CNTNAP2: variants seen among roughly 807,000 people sequenced by gnomAD.
The protein encoded by CNTNAP2 is contactin-associated protein-like 2.
In CNTNAP2, 98 loss-of-function variants were observed where a neutral mutation model predicts 155.2. That is an observed-to-expected ratio of 0.63 (90% CI 0.54 to 0.75). The LOEUF (loss-of-function observed/expected upper bound fraction) is 0.75, where lower values mean the gene tolerates loss of function less well. Ranked by LOEUF, CNTNAP2 falls within the 30% of genes least tolerant of loss-of-function variation. The probability of loss-of-function intolerance (pLI) is 0.00; values close to 1 mark genes in which losing one functional copy is unlikely to be tolerated. For synonymous variants in CNTNAP2, 651 were observed against 631.2 expected (o/e 1.03, Z -0.47); for missense variants, 1,727 against 1,688.1 (o/e 1.02, Z -0.40).
chr7:146,177,908 G>A (rs1221588969), intron 1 of CNTNAP2, among the ~76,000 whole-genome samples: 1 of 152,128 alleles, frequency 6.6e-6, no homozygotes, highest in Non-Finnish European at 1.5e-5. Context: ...AGAACTAAAA[G>A]AACCATATTG....
chr7:147,218,670 T>C (rs1359144701), intron 8 of CNTNAP2, among the ~76,000 whole-genome samples: 1 of 152,154 alleles, frequency 6.6e-6, no homozygotes. Context: ...ATTGAATATT[T>C]CCTGTGAGCT....
intron 15 of CNTNAP2, among the ~76,000 whole-genome samples, chr7:148,021,429 C>G (rs1802276982): frequency 6.6e-6 from 1 of 152,142 alleles, no homozygotes; most frequent in African/African-American, 2.4e-5. Flanking sequence ...CCCAAGTAGA[C>G]CATAGCCAGT....
At chr7:147,775,115 G>T (rs1183434447) in intron 13 of CNTNAP2, among the ~76,000 whole-genome samples, 1 of 148,424 alleles carries the variant, frequency 6.7e-6, no homozygotes, top group Admixed American at 6.9e-5. Flanking sequence ...TAAGGGTGAT[G>T]GTCTTTTCAC....
At chr7:146,475,625 G>C (rs1796866410) in intron 1 of CNTNAP2, among the ~76,000 whole-genome samples, 1 of 152,164 alleles carries the variant, frequency 6.6e-6, no homozygotes, top group Non-Finnish European at 1.5e-5. Context: ...AGATCTGGGA[G>C]ACCAAGATTG....
chr7:147,264,323 T>C (rs1259507806), intron 8 of CNTNAP2, among the ~76,000 whole-genome samples: 1 of 152,096 alleles, frequency 6.6e-6, no homozygotes, highest in African/African-American at 2.4e-5. Flanking sequence ...TATTTATTTA[T>C]TGTGGGAAGT....
chr7:146,910,393 G>A (rs921415189), intron 3 of CNTNAP2, among the ~76,000 whole-genome samples: 65 of 148,950 alleles, frequency 4.4e-4, no homozygotes, highest in Non-Finnish European at 7.7e-4. Context: ...CACACTACCT[G>A]ACTTCAAAGT....
chr7:146,788,307 C>T (rs371848686), intron 2 of CNTNAP2, among the ~76,000 whole-genome samples: 14 of 152,164 alleles, frequency 9.2e-5, no homozygotes, highest in Admixed American at 4.6e-4. Flanking sequence ...GAGTGGACGC[C>T]GAGGCCGAGG....
At chr7:147,050,791 T>C (rs1343787085) in intron 4 of CNTNAP2, among the ~76,000 whole-genome samples, 3 of 152,132 alleles carry the variant, frequency 2.0e-5, no homozygotes, top group African/African-American at 7.2e-5. Context: ...ATCATGGATC[T>C]AGAGGGCACA....
chr7:146,863,385 T>C (rs569907361), intron 3 of CNTNAP2, among the ~76,000 whole-genome samples: 2 of 152,084 alleles, frequency 1.3e-5, no homozygotes, highest in East Asian at 3.9e-4. Context: ...AGATGAAGAG[T>C]TATCAATAGC....
At chr7:148,020,757 C>T (rs1387181128) in intron 15 of CNTNAP2, among the ~76,000 whole-genome samples, 2 of 152,210 alleles carry the variant, frequency 1.3e-5, no homozygotes, top group East Asian at 1.9e-4. Context: ...ACAATAAACA[C>T]CTTTAATTAT....
chr7:147,031,654 A>G (rs929465514), intron 3 of CNTNAP2, among the ~76,000 whole-genome samples: 2 of 152,264 alleles, frequency 1.3e-5, no homozygotes, highest in African/African-American at 2.4e-5. Context: ...GCAGAGGCCC[A>G]TGCCTGTAAT....
intron 1 of CNTNAP2, among the ~76,000 whole-genome samples, chr7:146,607,318 A>G (rs552850984): frequency 1.6e-4 from 25 of 152,078 alleles, no homozygotes; most frequent in Admixed American, 9.8e-4. Flanking sequence ...CATGTGTCCA[A>G]TGATCACACT....
intron 11 of CNTNAP2, among the ~76,000 whole-genome samples, chr7:147,502,519 G>T (rs558112411): frequency 4.6e-5 from 7 of 152,228 alleles, no homozygotes; most frequent in African/African-American, 1.7e-4. Flanking sequence ...GAGAAATGTT[G>T]ATCAAAAGGT....
At chr7:146,448,768 T>C (rs1402442749) in intron 1 of CNTNAP2, among the ~76,000 whole-genome samples, 1 of 152,100 alleles carries the variant, frequency 6.6e-6, no homozygotes, top group Non-Finnish European at 1.5e-5. Context: ...TATAGAACTA[T>C]TCTGTTAACA....
At chr7:148,168,484 T>G (rs939456190) in intron 17 of CNTNAP2, among the ~76,000 whole-genome samples, 6 of 148,660 alleles carry the variant, frequency 4.0e-5, no homozygotes, top group Non-Finnish European at 7.4e-5. Context: ...ACACCGCATG[T>G]TCTCACTCAT....
intron 8 of CNTNAP2, among the ~76,000 whole-genome samples, chr7:147,159,069 A>G (rs1265390316): frequency 6.6e-6 from 1 of 152,094 alleles, no homozygotes; most frequent in African/African-American, 2.4e-5. Flanking sequence ...CAAGAGGATG[A>G]GTCAGTCTAA....
chr7:148,033,710 A>G (rs1385503476), intron 15 of CNTNAP2, among the ~76,000 whole-genome samples: 1 of 152,192 alleles, frequency 6.6e-6, no homozygotes, highest in East Asian at 1.9e-4. Context: ...TGTTTTCACT[A>G]TTAATTTCTC....
Position 146,216,868 on chromosome 7 carries a change from GA to G in CNTNAP2, c.97+99899del, listed in dbSNP as rs531473929. Among the ~76,000 whole-genome samples, 143 of 152,268 alleles carry G rather than the reference GA, an allele frequency of 9.4e-4. 1 individual carries two copies. Among genetic ancestry groups the G allele is most frequent in the Non-Finnish European group, 1.7e-3 (116 of 68,008 alleles). On this transcript the variant is annotated intron_variant, in intron 1 of 23. Coordinates refer to ENST00000361727, the MANE Select transcript of CNTNAP2 (RefSeq NM_014141.6). ...GGTTTATATCATCACCTGTTTCATTGAAAATTTGGTCGGTGATGAGTCATCC... is the reference window on the plus strand; with the variant it reads ...GGTTTATATCATCACCTGTTTCATTGAAATTTGGTCGGTGATGAGTCATCC...
intron 1 of CNTNAP2, among the ~76,000 whole-genome samples, chr7:146,238,857 C>T (rs1292453335): frequency 6.6e-6 from 1 of 152,118 alleles, no homozygotes; most frequent in Non-Finnish European, 1.5e-5. Context: ...GGAGGAACTA[C>T]CAAACACAAA....
Sources: allele counts gnomAD v4.1 joint callset (sites outside exome capture counted in the v4.1 genomes callset), GRCh38; gene constraint gnomAD v4.1.1; transcripts MANE v1.5; gene names NCBI Gene and HGNC (gene_info 2026-07-23, HGNC 2026-07-21).